Variants in TSTD2 observed in about 807,000 individuals in gnomAD.
TSTD2 encodes thiosulfate sulfurtransferase/rhodanese-like domain-containing protein 2.
In TSTD2, 37 loss-of-function variants were observed where a neutral mutation model predicts 47.9. The observed-to-expected ratio is 0.77, with a 90% confidence interval of 0.59 to 1.02. TSTD2 has a LOEUF of 1.02. Among genes scored for constraint, TSTD2 ranks in the 50% least tolerant of loss-of-function variants. The probability of loss-of-function intolerance (pLI) is 0.00; values close to 1 mark genes in which losing one functional copy is unlikely to be tolerated. For synonymous variants in TSTD2, 201 were observed against 215.9 expected, an observed-to-expected ratio of 0.93 and a Z score of 0.61; for missense variants, 586 against 616.0, an observed-to-expected ratio of 0.95 and a Z score of 0.52.
chr9:97,633,083 G>A (rs1244832883), intron 1 of TSTD2, among the ~76,000 whole-genome samples, 160 bp downstream of exon 1: 1 of 152,252 alleles, frequency 6.6e-6, no homozygotes, highest in African/African-American at 2.4e-5. Context: ...GCCCGGAGCC[G>A]CACGCTCGCG....
chr9:97,624,411 A>T (rs1826687700), intron 3 of TSTD2, among the ~76,000 whole-genome samples: 1 of 152,140 alleles, frequency 6.6e-6, no homozygotes, highest in African/African-American at 2.4e-5. Context: ...TGAACCTGGA[A>T]ACAGATTTAC....
At chr9:97,619,153 C>G (rs1168419634) in intron 3 of TSTD2, among the ~76,000 whole-genome samples, 2 of 152,154 alleles carry the variant, frequency 1.3e-5, no homozygotes, top group African/African-American at 2.4e-5. Context: ...CATTATTATT[C>G]CAATTTTAGA....
At chr9:97,604,971 G>A in intron 8 of TSTD2, 106 bp from the exon 9 acceptor site, 5 of 1,497,524 alleles carry the variant, frequency 3.3e-6, no homozygotes, top group Non-Finnish European at 8.9e-7. Context: ...GAGGACTCAT[G>A]GCCGCTGCTA....
At chr9:97,632,043 G>A (rs958653047) in intron 1 of TSTD2, among the ~76,000 whole-genome samples, 1 of 150,892 alleles carries the variant, frequency 6.6e-6, no homozygotes, top group African/African-American at 2.5e-5. Context: ...GTTTTCCTTT[G>A]TTCACCTCTA....
chr9:97,630,386 T>G (rs904787744), intron 1 of TSTD2, among the ~76,000 whole-genome samples: 1 of 152,210 alleles, frequency 6.6e-6, no homozygotes, highest in East Asian at 1.9e-4. Context: ...GCCGGGCCCA[T>G]GGAATAGTCC....
chr9:97,608,939 T>C (rs1826412776), intron 6 of TSTD2, among the ~76,000 whole-genome samples: 1 of 152,138 alleles, frequency 6.6e-6, no homozygotes, highest in African/African-American at 2.4e-5. Context: ...CAGACCTTTG[T>C]GCTTCCTGAT....
intron 1 of TSTD2, among the ~76,000 whole-genome samples, chr9:97,632,052 T>C (rs1826830202): frequency 1.3e-5 from 2 of 148,806 alleles, no homozygotes; most frequent in South Asian, 2.1e-4. Context: ...TGTTCACCTC[T>C]ACATCCTCAG....
At chr9:97,623,615 T>C (rs1826673596) in intron 3 of TSTD2, among the ~76,000 whole-genome samples, 1 of 152,198 alleles carries the variant, frequency 6.6e-6, no homozygotes, top group African/African-American at 2.4e-5. Context: ...ATCCCAGCAC[T>C]TGGGAGGCCA....
Position 97,600,348 on chromosome 9 carries a change from T to C in TSTD2, c.*2121A>G. 1 of 986,132 alleles carries C rather than the reference T, an allele frequency of 1.0e-6. No homozygotes were observed. The highest frequency in any genetic ancestry group is 1.2e-6 in the Non-Finnish European group (1 of 830,198). The allele number at this position is 986,132 out of a possible 1,614,324, so 61.1% of individuals were successfully genotyped here. On this transcript the variant is annotated 3_prime_UTR_variant, in exon 10 of 10. Transcript: ENST00000341170. ...AAAAACCAATGGTGAAATTTCAAGT[T>C]TCAAAAACCAACCTTTCATTACCAA...
chr9:97,602,360 G>A lies in TSTD2; in HGVS notation c.*109C>T. Reference sequence around the variant, plus strand: ...ACGGCTGCCACGGTGGCAGCGGCCAGAACTGAAGTTCCCGATTTCTCTGTT... The same window carrying A: ...ACGGCTGCCACGGTGGCAGCGGCCAAAACTGAAGTTCCCGATTTCTCTGTT... On this transcript the variant is annotated 3_prime_UTR_variant, in exon 10 of 10. Coordinates refer to ENST00000341170, the MANE Select transcript of TSTD2 (RefSeq NM_139246.5). 1.5e-6 allele frequency: 2 copies of A among 1,351,744 alleles called. No individual in the cohort carries two copies. The highest frequency in any genetic ancestry group is 9.9e-7 in the Non-Finnish European group (1 of 1,014,522). The allele number at this position is 1,351,744 out of a possible 1,614,324, so 83.7% of individuals were successfully genotyped here.
intron 3 of TSTD2, among the ~76,000 whole-genome samples, chr9:97,624,123 C>T (rs1826680997): frequency 6.6e-6 from 1 of 152,148 alleles, no homozygotes; most frequent in Non-Finnish European, 1.5e-5. Context: ...CCCTGATGAT[C>T]CTGCCTCCTG....
Position 97,610,456 on chromosome 9 carries a change from C to T in TSTD2, c.730-5G>A. On this transcript the variant is annotated splice_polypyrimidine_tract_variant and splice_region_variant and intron_variant, in intron 5 of 9. Coordinates refer to ENST00000341170, the MANE Select transcript of TSTD2 (RefSeq NM_139246.5). ...GTGAGCTCCTCCTTTGCTGGTCTAGCCAATGAGAAACAAAACAGAATACAG... is the reference window on the plus strand; with the variant it reads ...GTGAGCTCCTCCTTTGCTGGTCTAGTCAATGAGAAACAAAACAGAATACAG... The T allele has an allele frequency of 1.3e-6, 2 of 1,546,600 alleles. No homozygotes were observed. Among genetic ancestry groups the T allele is most frequent in the Non-Finnish European group, 8.7e-7 (1 of 1,149,610 alleles).
intron 3 of TSTD2, among the ~76,000 whole-genome samples, chr9:97,620,447 G>T (rs1826615721): frequency 6.6e-6 from 1 of 152,192 alleles, no homozygotes; most frequent in Admixed American, 6.5e-5. Context: ...GGTACTAGTA[G>T]AGTGGGGTGC....
At position 97,601,719 on chromosome 9, in the gene TSTD2, A is replaced by G. The variant is rs1826264764; in HGVS notation, c.*750T>C. On this transcript the variant is annotated 3_prime_UTR_variant, in exon 10 of 10. Transcript: ENST00000341170. ...GTAAAGGAATGGGTGTGGCTGTTCA[A>G]TAAACTATACAGTTGACCCTTGAAC... 3.1e-6 allele frequency: 1 copy of G among 321,868 alleles called. No homozygotes were observed. The highest frequency in any genetic ancestry group is 4.5e-6 in the Non-Finnish European group (1 of 223,034). The allele number at this position is 321,868 out of a possible 1,614,324, so 19.9% of individuals were successfully genotyped here.
At chr9:97,617,661 C>T (rs1249085243) in intron 4 of TSTD2, 96 bp downstream of exon 4, 1 of 1,433,840 alleles carries the variant, frequency 7.0e-7, no homozygotes, top group Admixed American at 2.5e-5. Flanking sequence ...AAGAACTCAA[C>T]AGTGAATCTT....
intron 2 of TSTD2, among the ~76,000 whole-genome samples, chr9:97,626,452 T>G (rs2131317652): frequency 6.6e-6 from 1 of 152,308 alleles, no homozygotes; most frequent in South Asian, 2.1e-4. Context: ...ATAAAATTGC[T>G]TATGCAATGT....
intron 6 of TSTD2, among the ~76,000 whole-genome samples, chr9:97,607,270 C>A (rs774035088): frequency 6.6e-6 from 1 of 152,176 alleles, no homozygotes; most frequent in Non-Finnish European, 1.5e-5. Flanking sequence ...CTTTGAGGGT[C>A]CAGAAATCTC....
chr9:97,630,709 TTA>T (rs1826794971), intron 1 of TSTD2, among the ~76,000 whole-genome samples: 1 of 152,182 alleles, frequency 6.6e-6, no homozygotes, highest in Admixed American at 6.5e-5. Flanking sequence ...TGAAACCAGA[TTA>T]CCCATGAATT....
In TSTD2 at chr9:97,610,365, CT is replaced by C. The variant is rs1457722181; in HGVS notation, c.815del (p.Lys272ArgfsTer20). 6.2e-7 allele frequency: 1 copy of C among 1,604,400 alleles called. No individual in the cohort carries two copies. The highest frequency in any genetic ancestry group is 8.5e-7 in the Non-Finnish European group (1 of 1,176,274). On this transcript the variant is annotated frameshift_variant, in exon 6 of 10. Coordinates refer to ENST00000341170, the MANE Select transcript of TSTD2 (RefSeq NM_139246.5). LOFTEE classifies it high-confidence loss of function. ...EIVPMGISPK[K>X]ISYKKPGIHL... ...GCATACCAGGCTTCTTGTAGGAGAT[CT>C]TTTTGGGGCTGATCCCCATGGGCAC...
Sources: allele counts gnomAD v4.1 joint callset (sites outside exome capture counted in the v4.1 genomes callset), GRCh38; gene constraint gnomAD v4.1.1; transcripts MANE v1.5; gene names NCBI Gene and HGNC (gene_info 2026-07-23, HGNC 2026-07-21).